PASD1: variants seen among roughly 807,000 people sequenced by gnomAD.
PASD1 encodes the protein PAS domain containing repressor 1, also known as circadian clock protein PASD1.
Under a neutral mutation model 58.8 loss-of-function variants are expected in PASD1, and 13 were observed. That is an observed-to-expected ratio of 0.22 (90% CI 0.14 to 0.35). PASD1 has a LOEUF of 0.35. Ranked by LOEUF, PASD1 falls within the 10% of genes least tolerant of loss-of-function variation. PASD1 has a pLI of 1.00. For synonymous variants in PASD1, 236 were observed against 216.7 expected, an observed-to-expected ratio of 1.09 and a Z score of -0.78; for missense variants, 734 against 568.3, an observed-to-expected ratio of 1.29 and a Z score of -2.96.
intron 15 of PASD1, among the ~76,000 whole-genome samples, chrX:151,675,229 C>T (rs1431211478): frequency 1.8e-5 from 2 of 111,870 alleles, no homozygotes; most frequent in Admixed American, 9.4e-5. Context: ...AGGACCAAGT[C>T]GGAGCTTTCC....
chrX:151,575,222 C>T (rs1461497775), intron 1 of PASD1, among the ~76,000 whole-genome samples: 1 of 64,287 alleles, frequency 1.6e-5, no homozygotes. Context: ...TTTTTTTTGG[C>T]GGGGGTGGGG....
intron 8 of PASD1, among the ~76,000 whole-genome samples, chrX:151,625,938 C>T (rs1429248097): frequency 1.8e-5 from 2 of 111,611 alleles, no homozygotes; most frequent in Non-Finnish European, 3.8e-5. Context: ...CAGAGTGAGA[C>T]CCTGTCTCTA....
At position 151,620,995 on chromosome X, in the gene PASD1, A is replaced by G; in HGVS notation, c.273A>G (p.Gln91=). 2 of 1,203,940 alleles carry G rather than the reference A, an allele frequency of 1.7e-6. No individual in the cohort carries two copies. Among genetic ancestry groups the G allele is most frequent in the Non-Finnish European group, 2.2e-6 (2 of 890,741 alleles). The change falls in exon 5 of 16, where the codon CAA becomes CAG. Residue 91 remains glutamine (Q), a synonymous_variant. Coordinates refer to ENST00000370357, the MANE Select transcript of PASD1 (RefSeq NM_173493.3). ...LPDEEKDEVY[Q]KIILKFPLLN... ...ATGAAGAGAAAGATGAAGTCTACCA[A>G]AAGATTATTCTCAAATTTCCTTTAC...
rs1418397819 is a variant in PASD1, at chrX:151,566,103, C to T, written c.-28+2264C>T. Among the ~76,000 whole-genome samples the T allele has an allele frequency of 2.7e-5, 3 of 112,375 alleles. No homozygotes were observed. In the South Asian group the frequency reaches 1.1e-3, roughly 41 times the overall value. ...TTTGGTTTCAACATTTCATTCAACA[C>T]ATATTCAGAAGTTCTGTTAGAGGCA... On this transcript the variant is annotated intron_variant, in intron 1 of 15. Coordinates refer to ENST00000370357, the MANE Select transcript of PASD1 (RefSeq NM_173493.3).
chrX:151,648,843 C>A, intron 9 of PASD1, 141 bp downstream of exon 9: 1 of 676,656 alleles, frequency 1.5e-6, no homozygotes, highest in Non-Finnish European at 2.2e-6. Flanking sequence ...ATCTTGTAGA[C>A]ATTTCTTATT....
At chrX:151,614,871 CTT>C (rs1426919072) in intron 4 of PASD1, among the ~76,000 whole-genome samples, 7 of 111,850 alleles carry the variant, frequency 6.3e-5, no homozygotes, top group Non-Finnish European at 9.4e-5. Context: ...GAATCGATCT[CTT>C]TTATTTCTCA....
In PASD1 at chrX:151,599,512, G is replaced by A. The variant is rs1381799751; in HGVS notation, c.-27-2015G>A. 7.1e-4 allele frequency among the ~76,000 whole-genome samples: 79 copies of A among 111,253 alleles called. 1 individual carries two copies. The highest frequency in any genetic ancestry group is 1.4e-3 in the Non-Finnish European group (71 of 52,592). On this transcript the variant is annotated intron_variant, in intron 1 of 15. Transcript: ENST00000370357. ...AGACGCTCCTCACTTCCCAGACGGG[G>A]CGGCTGCCGGGTGGAGGGGCTCCTC...
chrX:151,631,191 G>A (rs2013862046), intron 8 of PASD1, among the ~76,000 whole-genome samples: 1 of 103,533 alleles, frequency 9.7e-6, no homozygotes, highest in African/African-American at 3.5e-5. Context: ...TATTAACTCA[G>A]TTATTTTCTA....
intron 8 of PASD1, among the ~76,000 whole-genome samples, chrX:151,642,563 G>A (rs952554594): frequency 8.9e-6 from 1 of 111,926 alleles, no homozygotes; most frequent in Non-Finnish European, 1.9e-5. Flanking sequence ...AATGTTTCTA[G>A]TTCATGCTAA....
At chrX:151,587,339 T>C (rs771107855) in intron 1 of PASD1, among the ~76,000 whole-genome samples, 15 of 108,813 alleles carry the variant, frequency 1.4e-4, no homozygotes, top group Non-Finnish European at 2.1e-4. Flanking sequence ...AGACTCAGCG[T>C]TCCCTCATTC....
At chrX:151,591,422 T>A (rs1055937731) in intron 1 of PASD1, among the ~76,000 whole-genome samples, 3 of 111,795 alleles carry the variant, frequency 2.7e-5, no homozygotes, top group Non-Finnish European at 5.6e-5. Flanking sequence ...TTTGCAAGTG[T>A]GACCCTCCTG....
At chrX:151,644,721 T>A (rs2014038441) in intron 8 of PASD1, among the ~76,000 whole-genome samples, 1 of 107,731 alleles carries the variant, frequency 9.3e-6, no homozygotes, top group South Asian at 3.9e-4. Context: ...CAACGTAATT[T>A]TTCTTTTTTT....
intron 11 of PASD1, among the ~76,000 whole-genome samples, chrX:151,667,646 C>T (rs1045042659): frequency 1.8e-5 from 2 of 111,830 alleles, no homozygotes; most frequent in Admixed American, 1.9e-4. Context: ...GAATCCTTTC[C>T]CCGTTTCTTG....
At position 151,631,285 on chromosome X, in the gene PASD1, C is replaced by T. The variant is rs757771724; in HGVS notation, c.629+5755C>T. On this transcript the variant is annotated intron_variant, in intron 8 of 15. Coordinates refer to ENST00000370357, the MANE Select transcript of PASD1 (RefSeq NM_173493.3). The stretch of plus-strand genomic sequence containing the variant: ...GATGTATGATTCACCCAAACTCACA[C>T]AGCTGGTTAGGCAGTATAGCTGTAT... Among the ~76,000 whole-genome samples, 5 of 111,656 alleles carry T rather than the reference C, an allele frequency of 4.5e-5. No individual in the cohort carries two copies. The East Asian group carries it at 1.1e-3, about 25-fold the overall frequency.
At chrX:151,563,883 C>T (rs1358103985) in intron 1 of PASD1, 44 bp downstream of exon 1, 1 of 112,318 alleles carries the variant, frequency 8.9e-6, no homozygotes, top group Non-Finnish European at 1.9e-5. Flanking sequence ...AGTAAAATGC[C>T]TTGGGGTGGC....
At chrX:151,667,543 G>A (rs760433342) in intron 11 of PASD1, among the ~76,000 whole-genome samples, 73 of 112,129 alleles carry the variant, frequency 6.5e-4, no homozygotes, top group African/African-American at 2.3e-3. Flanking sequence ...AATCCATCTT[G>A]AATTAATTTT....
At position 151,601,601 on chromosome X, in the gene PASD1, T is replaced by C; in HGVS notation, c.28+20T>C. On this transcript the variant is annotated intron_variant, in intron 2 of 15. Transcript: ENST00000370357. Reference sequence around the variant, plus strand: ...GAAGAGGTATGCATTCATAACTGACTGACATTTCTGTCAAAGCCCTCTCCC... The same window carrying C: ...GAAGAGGTATGCATTCATAACTGACCGACATTTCTGTCAAAGCCCTCTCCC... The C allele has an allele frequency of 8.3e-7, 1 of 1,202,588 alleles. No individual in the cohort carries two copies. The highest frequency in any genetic ancestry group is 1.1e-6 in the Non-Finnish European group (1 of 887,812).
At chrX:151,627,629 A>G (rs1294617443) in intron 8 of PASD1, among the ~76,000 whole-genome samples, 5 of 111,673 alleles carry the variant, frequency 4.5e-5, no homozygotes, top group African/African-American at 1.6e-4. Context: ...GCTGGTTCCA[A>G]GTCTTTGCTA....
intron 1 of PASD1, among the ~76,000 whole-genome samples, chrX:151,582,268 C>A (rs1246367837): frequency 9.0e-6 from 1 of 111,007 alleles, no homozygotes; most frequent in Non-Finnish European, 1.9e-5. Context: ...CAGGCTTGAG[C>A]CACCGCACCT....
Sources: gnomAD v4.1 joint callset for allele counts (sites outside exome capture counted in the v4.1 genomes callset) on GRCh38, gnomAD v4.1.1 for gene constraint, MANE v1.5 for transcripts, NCBI Gene and HGNC (gene_info 2026-07-23, HGNC 2026-07-21) for gene names.